The following VPS39 variants were observed in gnomAD, a reference collection of about 807,000 sequenced individuals.
The protein encoded by VPS39 is vam6/Vps39-like protein.
In VPS39, 70 loss-of-function variants were observed where a neutral mutation model predicts 121.0. The ratio of observed to expected loss-of-function variants is 0.58; its 90% CI spans 0.48 to 0.71. The LOEUF is 0.71. VPS39 is among the 30% of genes least tolerant of loss of function. VPS39 has a pLI of 0.00. For missense variants in VPS39, 818 were observed against 1,051.5 expected, an observed-to-expected ratio of 0.78 and a Z score of 3.07; for synonymous variants, 378 against 398.1, an observed-to-expected ratio of 0.95 and a Z score of 0.60.
intron 1 of VPS39, 148 bp from the exon 2 acceptor site, chr15:42,200,109 G>A (rs2140889787): frequency 1.4e-6 from 1 of 716,496 alleles, no homozygotes; most frequent in East Asian, 3.0e-5. Context: ...TTGATAGGAG[G>A]TGTTTTGCAA....
chr15:42,175,424 AG>A (rs1350777387), intron 10 of VPS39, among the ~76,000 whole-genome samples: 13 of 151,492 alleles, frequency 8.6e-5, no homozygotes, highest in Middle Eastern at 3.4e-3. Context: ...AAAAAAAAAA[AG>A]AAAGAAAAAA....
chr15:42,164,846 G>A (rs1391630109), intron 18 of VPS39, 150 bp downstream of exon 18: 5 of 1,450,676 alleles, frequency 3.4e-6, no homozygotes, highest in Admixed American at 2.7e-5. Context: ...TGCCAGGCTT[G>A]TGTCACTTAG....
rs752865377 is a variant in VPS39, at chr15:42,187,870, T to C, written c.343-14A>G. On this transcript the variant is annotated splice_polypyrimidine_tract_variant and intron_variant, in intron 5 of 24. Coordinates refer to ENST00000318006, the MANE Select transcript of VPS39 (RefSeq NM_015289.5). ...GGTCTCTGTGTGCTGGGAGGAGACA[T>C]GCAGAGCAAATGAAAATACAATGAC... is the stretch of plus-strand genomic sequence containing the variant. 11 of 1,610,178 alleles carry C rather than the reference T, an allele frequency of 6.8e-6. No individual in the cohort carries two copies. The highest frequency in any genetic ancestry group is 9.3e-6 in the Non-Finnish European group (11 of 1,176,520).
chr15:42,203,865 G>A (rs938122313), intron 1 of VPS39, among the ~76,000 whole-genome samples: 7 of 152,176 alleles, frequency 4.6e-5, no homozygotes, highest in Admixed American at 2.6e-4. Flanking sequence ...TGCAGAGCAC[G>A]CGCAGCATGG....
At chr15:42,186,840 T>C (rs2049713437) in intron 7 of VPS39, among the ~76,000 whole-genome samples, 1 of 152,206 alleles carries the variant, frequency 6.6e-6, no homozygotes. Context: ...TTTAAAAAAA[T>C]AGTGAGAATC....
At chr15:42,183,678 A>G (rs1351722127) in intron 8 of VPS39, among the ~76,000 whole-genome samples, 1 of 152,186 alleles carries the variant, frequency 6.6e-6, no homozygotes, top group Non-Finnish European at 1.5e-5. Context: ...AGTCTTACCT[A>G]TGTAATGAAA....
chr15:42,180,216 G>T (rs906915907), intron 8 of VPS39, among the ~76,000 whole-genome samples: 1 of 152,146 alleles, frequency 6.6e-6, no homozygotes, highest in African/African-American at 2.4e-5. Flanking sequence ...ACTTCTCAGT[G>T]AAGGCATTTC....
At chr15:42,195,660 C>A (rs377031768) in intron 2 of VPS39, among the ~76,000 whole-genome samples, 5 of 151,918 alleles carry the variant, frequency 3.3e-5, no homozygotes, top group East Asian at 1.9e-4. Flanking sequence ...CACTGCTCAA[C>A]GAAATAAAAG....
intron 8 of VPS39, among the ~76,000 whole-genome samples, chr15:42,179,486 AGAATGGCGT>A (rs1566899530): frequency 1.3e-5 from 2 of 151,316 alleles, no homozygotes; most frequent in Non-Finnish European, 2.9e-5. Context: ...CTGAGGCAGG[AGAATGGCGT>A]GAACCTGGAA....
At position 42,171,902 on chromosome 15, in the gene VPS39, C is replaced by T. The variant is rs562302368; in HGVS notation, c.1090+1821G>A. ...TGGTAGGATAGCTCTAGGGACCTAC[C>T]TTTGCCTTCAGAAGCAGAGGGGAGC... is the stretch of plus-strand genomic sequence containing the variant. On this transcript the variant is annotated intron_variant, in intron 11 of 24. Coordinates refer to ENST00000318006, the MANE Select transcript of VPS39 (RefSeq NM_015289.5). Among the ~76,000 whole-genome samples the T allele has an allele frequency of 3.9e-5, 6 of 152,214 alleles. No homozygotes were observed. In the East Asian group the frequency reaches 9.7e-4, roughly 24 times the overall value.
At chr15:42,194,065 A>G (rs1369244615) in intron 2 of VPS39, among the ~76,000 whole-genome samples, 1 of 152,216 alleles carries the variant, frequency 6.6e-6, no homozygotes, top group African/African-American at 2.4e-5. Context: ...ATCATATGAG[A>G]TTACTAAAAA....
rs201505332 is a variant in VPS39 at position 42,194,936 on chromosome 15, GAA to G, written c.140-3378_140-3377del. Among the ~76,000 whole-genome samples, 467 of 128,656 alleles carry G rather than the reference GAA, an allele frequency of 3.6e-3. 5 individuals carry two copies. The highest frequency in any genetic ancestry group is 0.023 in the South Asian group (96 of 4,212). 84.4% of individuals were successfully genotyped at this position (128,656 alleles called of 152,430 possible). The stretch of plus-strand genomic sequence containing the variant: ...CCATCATTGTAAATGTCAATACAGT[GAA>G]AAAAAAAAAAAACAAAAAACGAAAT... On this transcript the variant is annotated intron_variant, in intron 2 of 24. Transcript: ENST00000318006.
rs1265413305 is a variant in VPS39, at chr15:42,164,450, T to G, written c.1934A>C (p.Glu645Ala). The G allele has an allele frequency of 1.2e-6, 2 of 1,613,942 alleles. No homozygotes were observed. Among genetic ancestry groups the G allele is most frequent in the Non-Finnish European group, 1.7e-6 (2 of 1,179,940 alleles). The change falls in exon 19 of 25, where the codon GAG becomes GCG. Residue 645 changes from glutamate to alanine, a missense_variant. Coordinates refer to ENST00000318006, the MANE Select transcript of VPS39 (RefSeq NM_015289.5). ...GAGCTTTTGCCGGTATTCTCCCAGC[T>G]CACCCTCTTCCTCTCCAGCTGGGAC... ...TPVPAGEEEG[E>A]LGEYRQKLLM...
Position 42,159,152 on chromosome 15 carries a change from C to T in VPS39, c.*1602G>A, listed in dbSNP as rs2049079844. ...ACTCTGGTGAAGGGCTGCCCAGCCT[C>T]ACAGGCCTGAGCAGAGTCTCCCACA... On this transcript the variant is annotated 3_prime_UTR_variant, in exon 25 of 25. Transcript: ENST00000318006. 1 of 152,254 alleles carries T rather than the reference C, an allele frequency of 6.6e-6. No homozygotes were observed. The highest frequency in any genetic ancestry group is 2.4e-5 in the African/African-American group (1 of 41,444). 9.4% of individuals were successfully genotyped at this position (152,254 alleles called of 1,614,324 possible).
At position 42,163,388 on chromosome 15, in the gene VPS39, G is replaced by A. The variant is rs752661333; in HGVS notation, c.2137C>T (p.His713Tyr). 1.9e-6 allele frequency: 3 copies of A among 1,614,194 alleles called. No homozygotes were observed. Among genetic ancestry groups the A allele is most frequent in the Non-Finnish European group, 2.5e-6 (3 of 1,180,026 alleles). Residue 713 changes from histidine to tyrosine, a missense_variant, in exon 21 of 25, where the codon CAC becomes TAC. Transcript: ENST00000318006. ...TCTTTGTTTCGGTCATAGTGTTTGT[G>A]GCAGTACCTGCAAGGGAGAGAGTGG... is the stretch of plus-strand genomic sequence containing the variant. ...KDTRMAEEYC[H>Y]KHYDRNKDGN...
intron 10 of VPS39, among the ~76,000 whole-genome samples, chr15:42,175,265 G>A (rs2049427295): frequency 6.6e-6 from 1 of 151,822 alleles, no homozygotes; most frequent in Non-Finnish European, 1.5e-5. Flanking sequence ...AAAATTAGCT[G>A]GGCGTGGTGG....
chr15:42,161,906 A>G (rs1349202107), intron 23 of VPS39, 126 bp downstream of exon 23: 2 of 1,589,568 alleles, frequency 1.3e-6, no homozygotes, highest in South Asian at 1.1e-5. Flanking sequence ...TTCAATGTCA[A>G]GCTGGCTACT....
At chr15:42,186,588 A>G (rs2049707856) in intron 7 of VPS39, among the ~76,000 whole-genome samples, 1 of 152,240 alleles carries the variant, frequency 6.6e-6, no homozygotes, top group African/African-American at 2.4e-5. Flanking sequence ...TCTTTTCTAC[A>G]TATAGTATGC....
intron 18 of VPS39, 83 bp downstream of exon 18, chr15:42,164,913 G>A: frequency 1.3e-6 from 2 of 1,582,240 alleles, no homozygotes; most frequent in Non-Finnish European, 1.7e-6. Context: ...AGGGTGGCCT[G>A]CTTACCCCCA....
Sources: allele counts gnomAD v4.1 joint callset (sites outside exome capture counted in the v4.1 genomes callset), GRCh38; gene constraint gnomAD v4.1.1; transcripts MANE v1.5; gene names NCBI Gene and HGNC (gene_info 2026-07-23, HGNC 2026-07-21).